Variants in SDK1 observed in about 807,000 individuals in gnomAD.
SDK1 encodes protein sidekick-1.
SDK1 carries 157 observed loss-of-function variants against 245.5 expected under a neutral mutation model. The observed-to-expected ratio is 0.64, with a 90% confidence interval of 0.56 to 0.73. SDK1 has a LOEUF of 0.73. Among genes scored for constraint, SDK1 ranks in the 30% least tolerant of loss-of-function variants. The pLI is 0.00. For missense variants in SDK1, 3,583 were observed against 3,002.3 expected (o/e 1.19, Z -4.52); for synonymous variants, 1,647 against 1,278.5 (o/e 1.29, Z -6.15).
intron 1 of SDK1, among the ~76,000 whole-genome samples, chr7:3,355,188 G>A (rs747320810): frequency 2.0e-5 from 3 of 152,176 alleles, no homozygotes; most frequent in Non-Finnish European, 4.4e-5. Flanking sequence ...TCTAAAAATT[G>A]TGAATATTCT....
At chr7:3,445,969 C>G (rs560265700) in intron 1 of SDK1, among the ~76,000 whole-genome samples, 2 of 151,964 alleles carry the variant, frequency 1.3e-5, no homozygotes, top group African/African-American at 2.4e-5. Context: ...ATTATTTCAA[C>G]TGAGAATGTC....
At chr7:4,211,899 G>A (rs921981844) in intron 38 of SDK1, among the ~76,000 whole-genome samples, 7 of 152,190 alleles carry the variant, frequency 4.6e-5, no homozygotes, top group African/African-American at 7.2e-5. Flanking sequence ...GTGAGCCACC[G>A]TGCCCGACCC....
At chr7:3,834,726 A>T (rs1779992141) in intron 5 of SDK1, among the ~76,000 whole-genome samples, 1 of 152,196 alleles carries the variant, frequency 6.6e-6, no homozygotes, top group Non-Finnish European at 1.5e-5. Context: ...ACTAGAACGT[A>T]AGTTCCGCGA....
In SDK1 at chr7:4,259,257, G is replaced by A. The variant is rs370202347; in HGVS notation, c.6382-5867G>A. On this transcript the variant is annotated intron_variant, in intron 44 of 44. Transcript: ENST00000404826. ...AGTTCGAGACCAGCCTGGCCAACACGGTGAAACCCCATCTCTACTAAAAAT... is the reference window on the plus strand; with the variant it reads ...AGTTCGAGACCAGCCTGGCCAACACAGTGAAACCCCATCTCTACTAAAAAT... 1.6e-4 allele frequency among the ~76,000 whole-genome samples: 25 copies of A among 152,174 alleles called. 1 individual carries two copies. Among genetic ancestry groups the A allele is most frequent in the Admixed American group, 1.0e-3 (16 of 15,288 alleles).
intron 1 of SDK1, among the ~76,000 whole-genome samples, chr7:3,601,408 CTA>C (rs1428708578): frequency 5.9e-5 from 9 of 151,944 alleles, no homozygotes; most frequent in Admixed American, 5.9e-4. Context: ...GCTTATGGGA[CTA>C]TTTGGACTAT....
At chr7:3,981,302 G>C (rs561320620) in intron 13 of SDK1, among the ~76,000 whole-genome samples, 3 of 152,264 alleles carry the variant, frequency 2.0e-5, no homozygotes, top group East Asian at 3.9e-4. Flanking sequence ...TGTGTGTTCT[G>C]ACTGCTCCAC....
chr7:3,427,009 C>G (rs965236903), intron 1 of SDK1, among the ~76,000 whole-genome samples: 1 of 152,196 alleles, frequency 6.6e-6, no homozygotes, highest in Admixed American at 6.5e-5. Flanking sequence ...CTAATTCTTA[C>G]TATACCTTTC....
chr7:3,635,644 T>C (rs1259809221), intron 2 of SDK1, among the ~76,000 whole-genome samples: 1 of 152,230 alleles, frequency 6.6e-6, no homozygotes, highest in African/African-American at 2.4e-5. Context: ...GTGGGTAAAG[T>C]GTACCGTCAC....
In SDK1 at chr7:3,304,339, A is replaced by G. The variant is rs116210573; in HGVS notation, c.298+2455A>G. Among the ~76,000 whole-genome samples, 207 of 152,336 alleles carry G rather than the reference A, an allele frequency of 1.4e-3. 4 individuals carry two copies. The highest frequency in any genetic ancestry group is 4.8e-3 in the African/African-American group (201 of 41,570). On this transcript the variant is annotated intron_variant, in intron 1 of 44. Coordinates refer to ENST00000404826, the MANE Select transcript of SDK1 (RefSeq NM_152744.4). Reference sequence around the variant, plus strand: ...CATGCTTTCTTTATGCCATCCACCAAGGAGCCAGCTGTGAGTGGTTTGGAA... The same window carrying G: ...CATGCTTTCTTTATGCCATCCACCAGGGAGCCAGCTGTGAGTGGTTTGGAA...
intron 2 of SDK1, among the ~76,000 whole-genome samples, chr7:3,628,987 G>A (rs1045454813): frequency 6.6e-6 from 1 of 151,926 alleles, no homozygotes; most frequent in African/African-American, 2.4e-5. Context: ...CTTAGGGCAG[G>A]GTACTGGATA....
At chr7:4,039,738 T>C (rs1288185297) in intron 17 of SDK1, among the ~76,000 whole-genome samples, 4 of 152,208 alleles carry the variant, frequency 2.6e-5, no homozygotes, top group Non-Finnish European at 4.4e-5. Context: ...ATAACATCTT[T>C]AAAAATCTGT....
chr7:4,139,649 ATGTG>A lies in SDK1; in HGVS notation c.4229-6065_4229-6062del, dbSNP rs112439179. On this transcript the variant is annotated intron_variant, in intron 28 of 44. Coordinates refer to ENST00000404826, the MANE Select transcript of SDK1 (RefSeq NM_152744.4). The stretch of plus-strand genomic sequence containing the variant: ...TGTATATGTATATATGTGTGTGTAT[ATGTG>A]TGTGTGTATATGTGTGTGTGTATAT... Among the ~76,000 whole-genome samples the A allele has an allele frequency of 5.8e-4, 56 of 97,304 alleles. 7 individuals carry two copies. Among genetic ancestry groups the A allele is most frequent in the Non-Finnish European group, 7.6e-4 (37 of 48,534 alleles). The allele number at this position is 97,304 out of a possible 152,430, so 63.8% of individuals were successfully genotyped here.
intron 1 of SDK1, among the ~76,000 whole-genome samples, chr7:3,552,633 T>G (rs1779454115): frequency 6.6e-6 from 1 of 152,224 alleles, no homozygotes; most frequent in Non-Finnish European, 1.5e-5. Flanking sequence ...GTTTCTGAGC[T>G]GGACTGACCA....
intron 1 of SDK1, among the ~76,000 whole-genome samples, chr7:3,512,489 G>A (rs1562532002): frequency 6.6e-6 from 1 of 152,200 alleles, no homozygotes; most frequent in Non-Finnish European, 1.5e-5. Context: ...ACCAAGGAGT[G>A]TGGATCATAT....
chr7:3,913,909 A>G (rs1409453926), intron 5 of SDK1, among the ~76,000 whole-genome samples: 2 of 152,164 alleles, frequency 1.3e-5, no homozygotes, highest in Admixed American at 6.5e-5. Flanking sequence ...TTTGCCCCAG[A>G]TTACACATTA....
intron 4 of SDK1, among the ~76,000 whole-genome samples, chr7:3,753,098 G>C (rs1403938901): frequency 6.6e-6 from 1 of 152,144 alleles, no homozygotes; most frequent in Non-Finnish European, 1.5e-5. Context: ...AGATGGGTGA[G>C]GTGGGGATCA....
intron 34 of SDK1, among the ~76,000 whole-genome samples, chr7:4,176,196 T>C (rs1296190176): frequency 6.6e-6 from 1 of 151,140 alleles, no homozygotes; most frequent in Non-Finnish European, 1.5e-5. Flanking sequence ...AGAGTCTCAC[T>C]CTGTTGCCGA....
intron 1 of SDK1, among the ~76,000 whole-genome samples, chr7:3,519,170 G>T (rs1388438864): frequency 1.3e-5 from 2 of 152,048 alleles, no homozygotes; most frequent in Admixed American, 1.3e-4. Context: ...GGAGAGAGTT[G>T]TTAAAGGATA....
At chr7:4,211,324 T>C (rs989576293) in intron 38 of SDK1, among the ~76,000 whole-genome samples, 3 of 152,074 alleles carry the variant, frequency 2.0e-5, no homozygotes, top group Admixed American at 1.3e-4. Context: ...GGAATGCAGA[T>C]GGCTCGGAGG....
Sources: gnomAD v4.1 joint callset for allele counts (sites outside exome capture counted in the v4.1 genomes callset) on GRCh38, gnomAD v4.1.1 for gene constraint, MANE v1.5 for transcripts, NCBI Gene and HGNC (gene_info 2026-07-23, HGNC 2026-07-21) for gene names.